The following TENM4 variants were observed in gnomAD, a reference collection of about 807,000 sequenced individuals.
The protein encoded by TENM4 is teneurin-4.
Under a neutral mutation model 243.3 loss-of-function variants are expected in TENM4, and 82 were observed. That is an observed-to-expected ratio of 0.34 (90% CI 0.28 to 0.40). TENM4 has a LOEUF of 0.40. TENM4 is among the 10% of genes least tolerant of loss of function. TENM4 has a pLI of 1.00. For synonymous variants in TENM4, 1,412 were observed against 1,456.3 expected, an observed-to-expected ratio of 0.97 and a Z score of 0.69; for missense variants, 3,138 against 3,673.3, an observed-to-expected ratio of 0.85 and a Z score of 3.77.
intron 29 of TENM4, among the ~76,000 whole-genome samples, chr11:78,686,269 G>A (rs1443173066): frequency 6.6e-6 from 1 of 152,204 alleles, no homozygotes; most frequent in Admixed American, 6.5e-5. Flanking sequence ...TGAACATACG[G>A]AGGTCCATGG....
intron 1 of TENM4, among the ~76,000 whole-genome samples, chr11:79,431,178 G>A (rs1195050400): frequency 3.3e-5 from 5 of 152,112 alleles, no homozygotes; most frequent in African/African-American, 7.2e-5. Flanking sequence ...CTCTAGTCCT[G>A]CTTCAACAAA....
intron 1 of TENM4, among the ~76,000 whole-genome samples, chr11:79,376,652 T>A (rs1857897585): frequency 6.7e-6 from 1 of 149,362 alleles, no homozygotes; most frequent in Admixed American, 6.7e-5. Flanking sequence ...GAACGAACAG[T>A]GGTCCCAACA....
In TENM4 at chr11:79,225,893, A is replaced by G. The variant is rs114411642; in HGVS notation, c.-264-9984T>C. On this transcript the variant is annotated intron_variant, in intron 2 of 33. Transcript: ENST00000278550. The stretch of plus-strand genomic sequence containing the variant: ...TAATAATGATCACGATCATCACCTT[A>G]AAGTTACGAAAATGAGTAATATGAA... 6.2e-3 allele frequency among the ~76,000 whole-genome samples: 945 copies of G among 152,286 alleles called. 12 individuals carry two copies. Among genetic ancestry groups the G allele is most frequent in the African/African-American group, 0.022 (904 of 41,558 alleles).
rs1397060618 is a variant in TENM4, at chr11:78,654,791, G to A, written c.*3267C>T. The A allele has an allele frequency of 6.8e-6, 1 of 147,700 alleles. No individual in the cohort carries two copies. The highest frequency in any genetic ancestry group is 6.7e-5 in the Admixed American group (1 of 14,868). The allele number at this position is 147,700 out of a possible 1,614,324, so 9.1% of individuals were successfully genotyped here. On this transcript the variant is annotated 3_prime_UTR_variant, in exon 34 of 34. Transcript: ENST00000278550. The stretch of plus-strand genomic sequence containing the variant: ...TTCCTCCAGTCTGCCCTCCAGCAAT[G>A]TCTGTTTGGGGTGTGGGGGGGTGGG...
At chr11:79,045,338 G>C (rs1222829155) in intron 6 of TENM4, among the ~76,000 whole-genome samples, 1 of 152,172 alleles carries the variant, frequency 6.6e-6, no homozygotes, top group East Asian at 1.9e-4. Flanking sequence ...AAGCACAGTG[G>C]AGTTGGAAGC....
chr11:79,025,164 C>T (rs1265924708), intron 6 of TENM4, among the ~76,000 whole-genome samples: 2 of 152,200 alleles, frequency 1.3e-5, no homozygotes, highest in African/African-American at 2.4e-5. Flanking sequence ...CTCTGTCTCT[C>T]ACACTAGCCT....
intron 3 of TENM4, among the ~76,000 whole-genome samples, chr11:79,166,333 T>C (rs1862912902): frequency 6.6e-6 from 1 of 152,230 alleles, no homozygotes; most frequent in Non-Finnish European, 1.5e-5. Context: ...GCATAGAGCA[T>C]GTTCTCTTTT....
chr11:79,377,492 T>C (rs1335993517), intron 1 of TENM4, among the ~76,000 whole-genome samples: 1 of 152,206 alleles, frequency 6.6e-6, no homozygotes, highest in East Asian at 1.9e-4. Flanking sequence ...CTGGCCTTTT[T>C]TTCCCTAGCT....
At chr11:79,216,152 C>T (rs868040350) in intron 2 of TENM4, among the ~76,000 whole-genome samples, 1 of 152,216 alleles carries the variant, frequency 6.6e-6, no homozygotes, top group African/African-American at 2.4e-5. Flanking sequence ...GTTCTCCCAT[C>T]TCATCTTGTG....
chr11:79,146,383 T>A (rs965634248), intron 4 of TENM4, among the ~76,000 whole-genome samples: 1 of 152,116 alleles, frequency 6.6e-6, no homozygotes, highest in Non-Finnish European at 1.5e-5. Flanking sequence ...CCTTGAGTGA[T>A]ACCAGTTTCC....
chr11:79,307,675 A>G (rs1286921093), intron 1 of TENM4, among the ~76,000 whole-genome samples: 1 of 152,082 alleles, frequency 6.6e-6, no homozygotes, highest in African/African-American at 2.4e-5. Context: ...TTTGCTCGCC[A>G]TTCTTTCCTT....
chr11:79,078,583 C>T (rs1273422686), intron 4 of TENM4, among the ~76,000 whole-genome samples: 5 of 152,160 alleles, frequency 3.3e-5, no homozygotes, highest in Non-Finnish European at 7.3e-5. Flanking sequence ...CTCAAGTTCA[C>T]ACAACACACC....
At chr11:79,270,206 T>A (rs1477860043) in intron 2 of TENM4, among the ~76,000 whole-genome samples, 1 of 152,144 alleles carries the variant, frequency 6.6e-6, no homozygotes, top group African/African-American at 2.4e-5. Flanking sequence ...GCTTTGGAAG[T>A]GTGTGGAGCC....
chr11:78,720,392 TG>T lies in TENM4; in HGVS notation c.3801-3del. On this transcript the variant is annotated splice_region_variant and splice_polypyrimidine_tract_variant and intron_variant, in intron 24 of 33. Transcript: ENST00000278550. ...TACCTATGTCTGAAATCTTTATTTCTGACAGAAGACAGGAGAGCAGGGAATA... is the reference window on the plus strand; with the variant it reads ...TACCTATGTCTGAAATCTTTATTTCTACAGAAGACAGGAGAGCAGGGAATA... 1 of 1,613,892 alleles carries T rather than the reference TG, an allele frequency of 6.2e-7. No homozygotes were observed. Among genetic ancestry groups the T allele is most frequent in the South Asian group, 1.1e-5 (1 of 91,082 alleles).
At chr11:79,422,671 G>A (rs7102010) in intron 1 of TENM4, among the ~76,000 whole-genome samples, 2 of 151,960 alleles carry the variant, frequency 1.3e-5, no homozygotes, top group African/African-American at 4.8e-5. Context: ...TCAAGTCTGA[G>A]GTAGGTATAA....
chr11:79,217,512 G>A (rs1439360801), intron 2 of TENM4, among the ~76,000 whole-genome samples: 1 of 152,166 alleles, frequency 6.6e-6, no homozygotes, highest in East Asian at 1.9e-4. Flanking sequence ...ATTATAAGGT[G>A]AGGAATTGCT....
At chr11:79,296,089 T>C in intron 2 of TENM4, among the ~76,000 whole-genome samples, 1 of 152,092 alleles carries the variant, frequency 6.6e-6, no homozygotes, top group East Asian at 1.9e-4. Flanking sequence ...ATCACTGAGG[T>C]CATTCGTGCA....
intron 1 of TENM4, among the ~76,000 whole-genome samples, chr11:79,329,647 A>G (rs1857030258): frequency 6.6e-6 from 1 of 152,212 alleles, no homozygotes; most frequent in African/African-American, 2.4e-5. Flanking sequence ...CCTGGGGCAG[A>G]GCAGTCCCAG....
intron 3 of TENM4, among the ~76,000 whole-genome samples, chr11:79,188,819 C>A (rs1252675109): frequency 6.6e-6 from 1 of 152,036 alleles, no homozygotes; most frequent in Non-Finnish European, 1.5e-5. Flanking sequence ...ATTGCAAATC[C>A]AAGTCTTGAC....
Sources: allele counts gnomAD v4.1 joint callset (sites outside exome capture counted in the v4.1 genomes callset), GRCh38; gene constraint gnomAD v4.1.1; transcripts MANE v1.5; gene names NCBI Gene and HGNC (gene_info 2026-07-23, HGNC 2026-07-21).